Variants in PRELID2 observed in about 807,000 individuals in gnomAD.
PRELID2 encodes the protein PRELI domain containing 2.
In PRELID2, 25 loss-of-function variants were observed where a neutral mutation model predicts 28.4. The ratio of observed to expected loss-of-function variants is 0.88; its 90% CI spans 0.64 to 1.23. The LOEUF (loss-of-function observed/expected upper bound fraction) is 1.23. Among genes scored for constraint, PRELID2 ranks in the 50% most tolerant of loss-of-function variants. The pLI is 0.00. For missense variants in PRELID2, 201 were observed against 214.4 expected, an observed-to-expected ratio of 0.94 and a Z score of 0.39; for synonymous variants, 76 against 71.6, an observed-to-expected ratio of 1.06 and a Z score of -0.31.
chr5:145,707,794 T>G (rs1471914611), intron 1 of PRELID2, among the ~76,000 whole-genome samples: 3 of 152,120 alleles, frequency 2.0e-5, no homozygotes, highest in Non-Finnish European at 4.4e-5. Flanking sequence ...TTACATTGTG[T>G]TGTCCCTATT....
chr5:145,764,041 C>T (rs926807027), intron 6 of PRELID2, among the ~76,000 whole-genome samples: 5 of 151,330 alleles, frequency 3.3e-5, no homozygotes, highest in Admixed American at 6.6e-5. Flanking sequence ...TGCAGTGAGC[C>T]GAGATCACAC....
the PRELID2 span, among the ~76,000 whole-genome samples, chr5:145,312,823 A>G: frequency 6.6e-6 from 1 of 152,132 alleles, no homozygotes; most frequent in Admixed American, 6.6e-5. Context: ...ATAACATGAG[A>G]GTACAGATAT....
chr5:145,491,260 C>T (rs1476545176), intron 1 of PRELID2, among the ~76,000 whole-genome samples: 1 of 152,084 alleles, frequency 6.6e-6, no homozygotes, highest in African/African-American at 2.4e-5. Context: ...TAAGGCTATG[C>T]TTTCTCATAG....
chr5:145,471,312 A>G (rs528330869), downstream of PRELID2, among the ~76,000 whole-genome samples: 23 of 152,022 alleles, frequency 1.5e-4, no homozygotes, highest in African/African-American at 5.1e-4. Context: ...TTTCTTACAA[A>G]CCTCCCACTC....
chr5:145,276,185 A>G, the PRELID2 span, among the ~76,000 whole-genome samples: 1 of 152,114 alleles, frequency 6.6e-6, no homozygotes, highest in Admixed American at 6.6e-5. Context: ...TAACGATGGA[A>G]TTTTCCTTTA....
intron 1 of PRELID2, among the ~76,000 whole-genome samples, chr5:145,681,230 C>T (rs1316277288): frequency 1.3e-5 from 2 of 152,208 alleles, no homozygotes; most frequent in Admixed American, 6.5e-5. Context: ...GAAACCAGTG[C>T]TCCTCTGAGG....
In PRELID2 at chr5:145,811,208, C is replaced by A. The variant is rs558679063; in HGVS notation, c.368+6686G>T. Among the ~76,000 whole-genome samples, 14 of 151,638 alleles carry A rather than the reference C, an allele frequency of 9.2e-5. No individual in the cohort carries two copies. The South Asian group carries it at 2.9e-3, about 32-fold the overall frequency. ...GAACAGCATGGGAAAGACCTGCCCCCACGATTTAATTGCCTCCCACTGGGT... is the reference window on the plus strand; with the variant it reads ...GAACAGCATGGGAAAGACCTGCCCCAACGATTTAATTGCCTCCCACTGGGT... On this transcript the variant is annotated intron_variant, in intron 4 of 6. Coordinates refer to ENST00000683046, the MANE Select transcript of PRELID2 (RefSeq NM_205846.3).
chr5:145,832,392 C>G (rs962681106), intron 1 of PRELID2, among the ~76,000 whole-genome samples: 5 of 152,102 alleles, frequency 3.3e-5, no homozygotes, highest in Non-Finnish European at 7.4e-5. Context: ...ACCATGTTAG[C>G]CAGGCTGGTC....
the PRELID2 span, among the ~76,000 whole-genome samples, chr5:145,360,443 C>A: frequency 2.0e-5 from 3 of 152,006 alleles, no homozygotes; most frequent in Non-Finnish European, 4.4e-5. Context: ...GAAGGTCCAG[C>A]AAGATGACAT....
At chr5:145,637,683 G>A (rs1754021939) in intron 1 of PRELID2, among the ~76,000 whole-genome samples, 1 of 152,160 alleles carries the variant, frequency 6.6e-6, no homozygotes, top group African/African-American at 2.4e-5. Context: ...CATTTAGTAA[G>A]AGTGTGGGAG....
chr5:145,249,474 C>T, the PRELID2 span, among the ~76,000 whole-genome samples: 32 of 152,208 alleles, frequency 2.1e-4, no homozygotes, highest in South Asian at 6.4e-3. Flanking sequence ...TTCCCATAGT[C>T]TATTTTCCCC....
the PRELID2 span, among the ~76,000 whole-genome samples, chr5:145,262,502 C>G: frequency 2.0e-5 from 3 of 152,018 alleles, no homozygotes; most frequent in Non-Finnish European, 4.4e-5. Flanking sequence ...AGCAGAAACC[C>G]TACAAGCTAG....
At chr5:145,691,501 C>A (rs909006869) in intron 1 of PRELID2, among the ~76,000 whole-genome samples, 1 of 152,004 alleles carries the variant, frequency 6.6e-6, no homozygotes, top group East Asian at 1.9e-4. Context: ...GTCAGGAGAT[C>A]GAGACCATCC....
intron 1 of PRELID2, among the ~76,000 whole-genome samples, chr5:145,521,070 G>A (rs988425656): frequency 6.6e-6 from 1 of 152,112 alleles, no homozygotes; most frequent in African/African-American, 2.4e-5. Context: ...CAAATCTACG[G>A]CTTTCATGGG....
At chr5:145,257,385 A>G in the PRELID2 span, among the ~76,000 whole-genome samples, 2 of 152,138 alleles carry the variant, frequency 1.3e-5, no homozygotes, top group African/African-American at 4.8e-5. Flanking sequence ...AGGAGGGTAT[A>G]ATTAAAATCA....
the PRELID2 span, among the ~76,000 whole-genome samples, chr5:145,362,210 A>G: frequency 6.6e-6 from 1 of 152,130 alleles, no homozygotes; most frequent in South Asian, 2.1e-4. Context: ...TAGTCAAGAC[A>G]GTGTGTTTAA....
At chr5:145,609,113 C>G (rs1291300455) in intron 1 of PRELID2, among the ~76,000 whole-genome samples, 3 of 152,156 alleles carry the variant, frequency 2.0e-5, no homozygotes, top group African/African-American at 7.2e-5. Flanking sequence ...TCTATCAGTT[C>G]ATTTTGGTTC....
At chr5:145,582,929 T>C (rs1753120839) in intron 1 of PRELID2, among the ~76,000 whole-genome samples, 1 of 151,862 alleles carries the variant, frequency 6.6e-6, no homozygotes, top group African/African-American at 2.4e-5. Flanking sequence ...GAGGGACTCC[T>C]CCCTATTTTA....
At chr5:145,801,069 TTA>T (rs1753106150) in intron 4 of PRELID2, among the ~76,000 whole-genome samples, 1 of 152,228 alleles carries the variant, frequency 6.6e-6, no homozygotes, top group Non-Finnish European at 1.5e-5. Flanking sequence ...GGCATTAGAA[TTA>T]TATATGTTAT....
Sources: allele counts gnomAD v4.1 joint callset (sites outside exome capture counted in the v4.1 genomes callset), GRCh38; gene constraint gnomAD v4.1.1; transcripts MANE v1.5; gene names NCBI Gene and HGNC (gene_info 2026-07-23, HGNC 2026-07-21).